The following BPIFC variants were observed in gnomAD, a reference collection of about 807,000 sequenced individuals.
BPIFC encodes BPI fold containing family C, also known as BPI fold-containing family C protein.
Under a neutral mutation model 57.6 loss-of-function variants are expected in BPIFC, and 60 were observed. The ratio of observed to expected loss-of-function variants is 1.04; its 90% CI spans 0.85 to 1.29. The LOEUF is 1.29. Among genes scored for constraint, BPIFC ranks in the 50% most tolerant of loss-of-function variants. The probability of loss-of-function intolerance (pLI) is 0.00; values close to 1 mark genes in which losing one functional copy is unlikely to be tolerated. For synonymous variants in BPIFC, 243 were observed against 224.5 expected (o/e 1.08, Z -0.74); for missense variants, 581 against 600.5 (o/e 0.97, Z 0.34).
At position 32,464,413 on chromosome 22, in the gene BPIFC, G is replaced by A. The variant is rs540134657; in HGVS notation, c.-128C>T. On this transcript the variant is annotated 5_prime_UTR_variant, in exon 1 of 17. Transcript: ENST00000300399. ...GTGTCCAAAGCTGGAGAGCACCTTC[G>A]ATTCTCTCTGCCTTTGAAGCTGATG... 9 of 985,278 alleles carry A rather than the reference G, an allele frequency of 9.1e-6. No individual in the cohort carries two copies. The African/African-American group carries it at 1.4e-4, about 15-fold the overall frequency. The allele number at this position is 985,278 out of a possible 1,614,324, so 61.0% of individuals were successfully genotyped here.
At chr22:32,448,225 C>T (rs1260607494) in intron 4 of BPIFC, among the ~76,000 whole-genome samples, 3 of 152,020 alleles carry the variant, frequency 2.0e-5, no homozygotes, top group Non-Finnish European at 2.9e-5. Context: ...CATGCCACCA[C>T]ACCTGGATAA....
chr22:32,453,653 G>C, intron 3 of BPIFC, 150 bp from the exon 4 acceptor site: 1 of 1,038,370 alleles, frequency 9.6e-7, no homozygotes, highest in Non-Finnish European at 1.3e-6. Flanking sequence ...TATTGTCTCT[G>C]GTTTACAGAT....
rs575786304 is a variant in BPIFC, at chr22:32,439,332, A to T, written c.656-1481T>A. Reference sequence around the variant, plus strand: ...AAGAGCGAAACTCCGTCTAAAAAAAAAAAAATAAATGAAAGCACAGATTTT... The same window carrying T: ...AAGAGCGAAACTCCGTCTAAAAAAATAAAAATAAATGAAAGCACAGATTTT... On this transcript the variant is annotated intron_variant, in intron 8 of 16. Coordinates refer to ENST00000300399, the MANE Select transcript of BPIFC (RefSeq NM_174932.3). Among the ~76,000 whole-genome samples the T allele has an allele frequency of 3.9e-5, 6 of 152,248 alleles. No homozygotes were observed. The East Asian group carries it at 1.2e-3, about 29-fold the overall frequency.
intron 13 of BPIFC, among the ~76,000 whole-genome samples, chr22:32,425,012 C>T (rs1352500994): frequency 2.6e-5 from 4 of 152,026 alleles, no homozygotes; most frequent in Admixed American, 2.6e-4. Context: ...GAACTCCTGA[C>T]CTCAGATGAT....
intron 4 of BPIFC, among the ~76,000 whole-genome samples, chr22:32,450,608 T>A (rs528983690): frequency 1.8e-4 from 28 of 152,112 alleles, no homozygotes; most frequent in Non-Finnish European, 3.5e-4. Context: ...TTTCTTTTTT[T>A]AAAAAAATAA....
intron 4 of BPIFC, among the ~76,000 whole-genome samples, chr22:32,448,207 T>C (rs1485101440): frequency 6.6e-6 from 1 of 152,136 alleles, no homozygotes; most frequent in Non-Finnish European, 1.5e-5. Context: ...TAGCTGGGAC[T>C]ACAGGCGCAT....
chr22:32,436,101 C>G (rs537547943), intron 9 of BPIFC, among the ~76,000 whole-genome samples: 1 of 152,138 alleles, frequency 6.6e-6, no homozygotes, highest in East Asian at 1.9e-4. Context: ...CCATGATCAA[C>G]CTGGGCAACA....
At chr22:32,419,558 T>A (rs963958976) in intron 13 of BPIFC, among the ~76,000 whole-genome samples, 154 bp from the exon 14 acceptor site, 2 of 150,180 alleles carry the variant, frequency 1.3e-5, no homozygotes, top group African/African-American at 4.9e-5. Context: ...AATCCCAGCA[T>A]TTTGGGAGGC....
At chr22:32,441,963 GA>G (rs1934578132) in intron 8 of BPIFC, among the ~76,000 whole-genome samples, 1 of 152,214 alleles carries the variant, frequency 6.6e-6, no homozygotes, top group African/African-American at 2.4e-5. Context: ...ACTCCTATGA[GA>G]ATCTAATGCT....
At chr22:32,441,551 T>C (rs1010603274) in intron 8 of BPIFC, among the ~76,000 whole-genome samples, 1 of 152,174 alleles carries the variant, frequency 6.6e-6, no homozygotes, top group East Asian at 1.9e-4. Flanking sequence ...CAAAGTGTCA[T>C]GTGAGCACAG....
In BPIFC at chr22:32,424,589, CTTCTTCTT is replaced by C. The variant is rs1569447811; in HGVS notation, c.1218-5193_1218-5186del. ...TGTTATTTTCTTTCTTCTTCTTCTT[CTTCTTCTT>C]CTTCTCCTCCTCCTCCTCCTCCTCC... On this transcript the variant is annotated intron_variant, in intron 13 of 16. Coordinates refer to ENST00000300399, the MANE Select transcript of BPIFC (RefSeq NM_174932.3). Among the ~76,000 whole-genome samples the C allele has an allele frequency of 1.3e-3, 110 of 87,664 alleles. 5 individuals are homozygous for C. Among genetic ancestry groups the C allele is most frequent in the East Asian group, 2.2e-3 (7 of 3,154 alleles). The allele number at this position is 87,664 out of a possible 152,430, so 57.5% of individuals were successfully genotyped here. A position where few individuals can be genotyped will look rare whatever the true frequency, so the allele number is the denominator to read the frequency against.
At position 32,457,379 on chromosome 22, in the gene BPIFC, G is replaced by T. The variant is rs777068983; in HGVS notation, c.8C>A (p.Thr3Lys). The T allele has an allele frequency of 4.5e-5, 72 of 1,608,462 alleles. No homozygotes were observed. The highest frequency in any genetic ancestry group is 6.0e-5 in the Non-Finnish European group (71 of 1,178,568). MC[T>K]KTIPVLWGCF... ...TCCCCAGAGGACTGGGATTGTCTTT[G>T]TACACATCTGAAATTAACCAACAGT... is the stretch of plus-strand genomic sequence containing the variant. The change falls in exon 3 of 17, where the codon ACA becomes AAA. Residue 3 changes from threonine to lysine, a missense_variant. Physicochemically the swap from Thr to Lys is moderately conservative, Grantham distance 78. Coordinates refer to ENST00000300399, the MANE Select transcript of BPIFC (RefSeq NM_174932.3).
At chr22:32,416,420 C>T (rs764640911) in intron 15 of BPIFC, among the ~76,000 whole-genome samples, 8 of 152,178 alleles carry the variant, frequency 5.3e-5, no homozygotes, top group African/African-American at 1.7e-4. Flanking sequence ...TCATTCTCCC[C>T]GGTTCCATGT....
intron 10 of BPIFC, among the ~76,000 whole-genome samples, chr22:32,434,804 G>A (rs1934345261): frequency 6.6e-6 from 1 of 152,120 alleles, no homozygotes; most frequent in Non-Finnish European, 1.5e-5. Flanking sequence ...AAAACATATA[G>A]AATGAGGAGA....
intron 13 of BPIFC, 23 bp downstream of exon 13, chr22:32,431,324 A>T (rs370394889): frequency 6.3e-7 from 1 of 1,597,472 alleles, no homozygotes; most frequent in Admixed American, 1.7e-5. Context: ...AGGTGCCCCA[A>T]CAGTCAAATT....
chr22:32,424,600 TCTCCTC>T lies in BPIFC; in HGVS notation c.1218-5202_1218-5197del, dbSNP rs879668188. Among the ~76,000 whole-genome samples the T allele has an allele frequency of 3.7e-3, 288 of 78,594 alleles. 58 individuals are homozygous for T. Among genetic ancestry groups the T allele is most frequent in the African/African-American group, 0.023 (273 of 12,058 alleles). The allele number at this position is 78,594 out of a possible 152,430, so 51.6% of individuals were successfully genotyped here. A position where few individuals can be genotyped will look rare whatever the true frequency, so the allele number is the denominator to read the frequency against. ...TTCTTCTTCTTCTTCTTCTTCTTCT[TCTCCTC>T]CTCCTCCTCCTCCTCCTCCTCCTCT... On this transcript the variant is annotated intron_variant, in intron 13 of 16. Coordinates refer to ENST00000300399, the MANE Select transcript of BPIFC (RefSeq NM_174932.3).
intron 14 of BPIFC, 22 bp downstream of exon 14, chr22:32,419,340 C>A (rs1933768927): frequency 3.7e-6 from 6 of 1,608,208 alleles, no homozygotes; most frequent in Non-Finnish European, 5.1e-6. Context: ...TGCTTGGTAA[C>A]CCCAAGAGCT....
chr22:32,452,380 T>C (rs2145960779), intron 4 of BPIFC, among the ~76,000 whole-genome samples: 1 of 152,274 alleles, frequency 6.6e-6, no homozygotes, highest in African/African-American at 2.4e-5. Flanking sequence ...CTCACGCCTG[T>C]AATCCCAGCA....
At chr22:32,438,264 T>C (rs1459066693) in intron 8 of BPIFC, among the ~76,000 whole-genome samples, 1 of 152,236 alleles carries the variant, frequency 6.6e-6, no homozygotes, top group Non-Finnish European at 1.5e-5. Flanking sequence ...TTAAATATTT[T>C]TAAACCACGG....
Sources: gnomAD v4.1 joint callset for allele counts (sites outside exome capture counted in the v4.1 genomes callset) on GRCh38, gnomAD v4.1.1 for gene constraint, MANE v1.5 for transcripts, NCBI Gene and HGNC (gene_info 2026-07-23, HGNC 2026-07-21) for gene names.